SPIDR: variants seen among roughly 807,000 people sequenced by gnomAD.
SPIDR encodes scaffold protein involved in DNA repair, also known as DNA repair-scaffolding protein.
A neutral mutation model predicts 104.6 loss-of-function variants in SPIDR; 93 were observed. The ratio of observed to expected loss-of-function variants is 0.89; its 90% confidence interval spans 0.75 to 1.06. The LOEUF (loss-of-function observed/expected upper bound fraction) is 1.06, where lower values mean the gene tolerates loss of function less well. Among genes scored for constraint, SPIDR ranks in the 50% least tolerant of loss-of-function variants. SPIDR has a pLI of 0.00. For missense variants in SPIDR, 1,154 were observed against 1,111.2 expected (o/e 1.04, Z -0.55); for synonymous variants, 431 against 416.9 (o/e 1.03, Z -0.41).
At chr8:47,267,824 A>G (rs1419511475) in intron 1 of SPIDR, among the ~76,000 whole-genome samples, 1 of 152,154 alleles carries the variant, frequency 6.6e-6, no homozygotes, top group Non-Finnish European at 1.5e-5. Flanking sequence ...TGAAGTACAA[A>G]TGTTTTTAAT....
At chr8:47,645,591 C>T (rs2070189060) in intron 10 of SPIDR, among the ~76,000 whole-genome samples, 1 of 152,156 alleles carries the variant, frequency 6.6e-6, no homozygotes, top group Non-Finnish European at 1.5e-5. Context: ...AGATAAATAA[C>T]ATCTAGCTAT....
Position 47,411,438 on chromosome 8 carries a change from C to G in SPIDR, c.877+3477C>G, listed in dbSNP as rs569238456. ...ATGGTGAGCATTTTTTCATGTGTCT[C>G]TTGGCTGCATAAATGTCTTCTTGTG... On this transcript the variant is annotated intron_variant, in intron 7 of 19. Transcript: ENST00000297423. 2.8e-3 allele frequency among the ~76,000 whole-genome samples: 420 copies of G among 152,250 alleles called. 1 individual carries two copies. Among genetic ancestry groups the G allele is most frequent in the African/African-American group, 9.9e-3 (410 of 41,546 alleles).
intron 5 of SPIDR, among the ~76,000 whole-genome samples, chr8:47,380,475 C>T (rs2059194749): frequency 2.6e-5 from 4 of 152,030 alleles, no homozygotes; most frequent in Admixed American, 2.6e-4. Flanking sequence ...TGGTCACTGC[C>T]GCCTTCTCCA....
chr8:47,608,043 C>T (rs1199452747), intron 10 of SPIDR, among the ~76,000 whole-genome samples: 1 of 152,176 alleles, frequency 6.6e-6, no homozygotes, highest in Admixed American at 6.5e-5. Flanking sequence ...GCAATCATAA[C>T]TATAATACGA....
At chr8:47,552,503 T>A (rs1052356435) in intron 8 of SPIDR, among the ~76,000 whole-genome samples, 4 of 152,244 alleles carry the variant, frequency 2.6e-5, no homozygotes, top group African/African-American at 9.6e-5. Context: ...TCTTGTTGAA[T>A]TGATCCCTTT....
At chr8:47,626,008 C>A (rs1216744013) in intron 10 of SPIDR, among the ~76,000 whole-genome samples, 1 of 152,142 alleles carries the variant, frequency 6.6e-6, no homozygotes, top group African/African-American at 2.4e-5. Context: ...CTACAGTAAC[C>A]AAAACAGCAT....
chr8:47,620,065 T>G (rs2064911070), intron 10 of SPIDR, among the ~76,000 whole-genome samples: 1 of 152,212 alleles, frequency 6.6e-6, no homozygotes, highest in Non-Finnish European at 1.5e-5. Context: ...ATGTGTTCTA[T>G]TCTAATAGAA....
At position 47,326,708 on chromosome 8, in the gene SPIDR, A is replaced by C. The variant is rs1229438397; in HGVS notation, c.525+32678A>C. 9.2e-5 allele frequency among the ~76,000 whole-genome samples: 14 copies of C among 152,356 alleles called. 1 individual carries two copies. Among genetic ancestry groups the C allele is most frequent in the Admixed American group, 7.8e-4 (12 of 15,300 alleles). ...TATTTCACATAAATGGAAATCATAT[A>C]GCATGTGACCTTTTGTGTCTGGCTT... is the stretch of plus-strand genomic sequence containing the variant. On this transcript the variant is annotated intron_variant, in intron 5 of 19. Coordinates refer to ENST00000297423, the MANE Select transcript of SPIDR (RefSeq NM_001080394.4).
intron 10 of SPIDR, among the ~76,000 whole-genome samples, chr8:47,645,772 T>C (rs554885423): frequency 2.6e-5 from 4 of 152,210 alleles, no homozygotes; most frequent in Admixed American, 2.6e-4. Flanking sequence ...ATTCAATAAA[T>C]GGGTAAGGAC....
At chr8:47,560,148 T>C (rs1394523639) in intron 8 of SPIDR, among the ~76,000 whole-genome samples, 1 of 152,230 alleles carries the variant, frequency 6.6e-6, no homozygotes, top group Non-Finnish European at 1.5e-5. Flanking sequence ...ACTCTTTGAC[T>C]ATGAGATGCA....
At chr8:47,517,192 G>A (rs982642716) in intron 8 of SPIDR, among the ~76,000 whole-genome samples, 1 of 152,020 alleles carries the variant, frequency 6.6e-6, no homozygotes, top group Non-Finnish European at 1.5e-5. Context: ...CCCCAAGTTG[G>A]CCAGGCTAGT....
chr8:47,648,470 T>G (rs939816742), intron 10 of SPIDR, among the ~76,000 whole-genome samples: 17 of 152,204 alleles, frequency 1.1e-4, no homozygotes, highest in African/African-American at 3.1e-4. Context: ...CTCGTACTTT[T>G]CAAGATGGAT....
At chr8:47,555,008 A>G (rs141744070) in intron 8 of SPIDR, among the ~76,000 whole-genome samples, 226 of 152,300 alleles carry the variant, frequency 1.5e-3, no homozygotes, top group African/African-American at 5.4e-3. Context: ...ATTAATAGCA[A>G]ATTTTTTTTC....
intron 10 of SPIDR, among the ~76,000 whole-genome samples, chr8:47,637,518 C>T (rs1326826981): frequency 6.6e-6 from 1 of 152,034 alleles, no homozygotes; most frequent in East Asian, 1.9e-4. Flanking sequence ...TGCAATGAGC[C>T]GAGATGGTAC....
At chr8:47,334,014 T>C (rs1554606657) in intron 5 of SPIDR, among the ~76,000 whole-genome samples, 2 of 152,250 alleles carry the variant, frequency 1.3e-5, no homozygotes, top group Admixed American at 6.5e-5. Flanking sequence ...CGTTTATAAA[T>C]TTCTCATCAG....
At chr8:47,504,024 C>T (rs1473748741) in intron 8 of SPIDR, among the ~76,000 whole-genome samples, 1 of 152,208 alleles carries the variant, frequency 6.6e-6, no homozygotes, top group Non-Finnish European at 1.5e-5. Context: ...TGATGGGCTT[C>T]CCTTTGTGGG....
At position 47,382,160 on chromosome 8, in the gene SPIDR, G is replaced by A. The variant is rs141168588; in HGVS notation, c.526-14216G>A. Reference sequence around the variant, plus strand: ...ACTTCAATGTCTTCCTGACTTGATAGCAGACACAGGTTTTCATCTAGGAGG... The same window carrying A: ...ACTTCAATGTCTTCCTGACTTGATAACAGACACAGGTTTTCATCTAGGAGG... On this transcript the variant is annotated intron_variant, in intron 5 of 19. Transcript: ENST00000297423. 3.3e-5 allele frequency among the ~76,000 whole-genome samples: 5 copies of A among 152,164 alleles called. No individual in the cohort carries two copies. The East Asian group carries it at 9.7e-4, about 29-fold the overall frequency.
chr8:47,671,014 A>T (rs937254784), intron 10 of SPIDR, among the ~76,000 whole-genome samples: 1 of 151,968 alleles, frequency 6.6e-6, no homozygotes, highest in Admixed American at 6.6e-5. Flanking sequence ...GGCTCAAGGG[A>T]TCCTCCCACC....
intron 8 of SPIDR, among the ~76,000 whole-genome samples, chr8:47,553,473 TCTTG>T (rs1234948379): frequency 6.6e-6 from 1 of 152,196 alleles, no homozygotes; most frequent in Non-Finnish European, 1.5e-5. Flanking sequence ...AAACTTCTCT[TCTTG>T]CTTCATTTCA....
Sources: gnomAD v4.1 joint callset for allele counts (sites outside exome capture counted in the v4.1 genomes callset) on GRCh38, gnomAD v4.1.1 for gene constraint, MANE v1.5 for transcripts, NCBI Gene and HGNC (gene_info 2026-07-23, HGNC 2026-07-21) for gene names.